PIK3CB: variants seen among roughly 807,000 people sequenced by gnomAD.
PIK3CB encodes phosphatidylinositol-4,5-bisphosphate 3-kinase catalytic subunit beta.
A neutral mutation model predicts 136.8 loss-of-function variants in PIK3CB; 39 were observed. The observed-to-expected ratio is 0.29, with a 90% CI of 0.22 to 0.37. The LOEUF is 0.37. Ranked by LOEUF, PIK3CB falls within the 10% of genes least tolerant of loss-of-function variation. The probability of loss-of-function intolerance (pLI) is 1.00; values close to 1 mark genes in which losing one functional copy is unlikely to be tolerated. For missense variants in PIK3CB, 868 were observed against 1,275.4 expected (o/e 0.68, Z 4.87); for synonymous variants, 428 against 436.6 (o/e 0.98, Z 0.25).
At chr3:138,800,331 T>C (rs889629669) in intron 1 of PIK3CB, among the ~76,000 whole-genome samples, 7 of 151,954 alleles carry the variant, frequency 4.6e-5, no homozygotes, top group East Asian at 3.9e-4. Flanking sequence ...TTTTAACCCA[T>C]GACACTTTTT....
At chr3:138,745,260 C>A (rs1300692707) in intron 4 of PIK3CB, among the ~76,000 whole-genome samples, 1 of 152,066 alleles carries the variant, frequency 6.6e-6, no homozygotes, top group African/African-American at 2.4e-5. Flanking sequence ...CACTTTGAGG[C>A]TTTCAGTGTT....
At chr3:138,768,973 G>C (rs542793401) in intron 2 of PIK3CB, among the ~76,000 whole-genome samples, 4 of 152,162 alleles carry the variant, frequency 2.6e-5, no homozygotes, top group Non-Finnish European at 5.9e-5. Flanking sequence ...ACTGGCATGG[G>C]AGAGAAGGGG....
chr3:138,714,905 T>G (rs552662059), intron 8 of PIK3CB, among the ~76,000 whole-genome samples, 186 bp from the exon 9 acceptor site: 1 of 152,326 alleles, frequency 6.6e-6, no homozygotes, highest in South Asian at 2.1e-4. Context: ...CACTAGAGTG[T>G]AATTAACCAG....
At chr3:138,827,808 T>C (rs1217269116) in intron 1 of PIK3CB, among the ~76,000 whole-genome samples, 2 of 149,000 alleles carry the variant, frequency 1.3e-5, no homozygotes, top group African/African-American at 2.5e-5. Context: ...TGAAACCCTG[T>C]CTCTACTAAA....
chr3:138,731,016 T>C (rs934926843), intron 8 of PIK3CB, among the ~76,000 whole-genome samples: 2 of 152,176 alleles, frequency 1.3e-5, no homozygotes, highest in Admixed American at 6.6e-5. Context: ...GCACATATTA[T>C]AAAGTGAATA....
At chr3:138,821,544 G>T (rs1451943338) in intron 1 of PIK3CB, among the ~76,000 whole-genome samples, 1 of 152,252 alleles carries the variant, frequency 6.6e-6, no homozygotes, top group East Asian at 1.9e-4. Context: ...CAGCACTCTG[G>T]GAGGCCGAGA....
At chr3:138,776,854 C>T (rs1002288473) in intron 2 of PIK3CB, among the ~76,000 whole-genome samples, 7 of 136,366 alleles carry the variant, frequency 5.1e-5, no homozygotes, top group South Asian at 2.3e-4. Flanking sequence ...GCCTGGGAAG[C>T]GGACATTGCA....
At chr3:138,790,372 T>C (rs780567214) in intron 2 of PIK3CB, among the ~76,000 whole-genome samples, 1 of 151,184 alleles carries the variant, frequency 6.6e-6, no homozygotes, top group Non-Finnish European at 1.5e-5. Flanking sequence ...TAGCATTTTG[T>C]GAGGCCAAGG....
chr3:138,784,445 G>A (rs974771644), intron 2 of PIK3CB, among the ~76,000 whole-genome samples: 2 of 150,998 alleles, frequency 1.3e-5, no homozygotes, highest in East Asian at 2.0e-4. Context: ...CTCCGTCTCC[G>A]TCTCCCACTT....
chr3:138,820,459 G>C (rs1933513023), intron 1 of PIK3CB, among the ~76,000 whole-genome samples: 1 of 152,158 alleles, frequency 6.6e-6, no homozygotes, highest in Admixed American at 6.6e-5. Flanking sequence ...GTGGTAAAAT[G>C]ATTCCACATC....
Position 138,759,196 on chromosome 3 carries a change from C to T in PIK3CB, c.148G>A (p.Ala50Thr), listed in dbSNP as rs375632149. 1.2e-6 allele frequency: 2 copies of T among 1,609,814 alleles called. No homozygotes were observed. Among genetic ancestry groups the T allele is most frequent in the African/African-American group, 2.7e-5 (2 of 74,852 alleles). ...IYIQLEVPRE[A>T]TISYIKQMLW... ...ACCTGCTTAATATAAGAAATGGTAG[C>T]TTCCCGAGGTACCTCCAACTGGATA... Residue 50 changes from alanine to threonine, a missense_variant, in exon 3 of 24, where the codon GCT becomes ACT. This residue lies in a region of PIK3CB where 612 missense variants were observed against 801.1 expected (regional missense o/e 0.76). Coordinates refer to ENST00000674063, the MANE Select transcript of PIK3CB (RefSeq NM_006219.3).
At chr3:138,671,637 G>C (rs2043535409) in intron 19 of PIK3CB, among the ~76,000 whole-genome samples, 1 of 152,202 alleles carries the variant, frequency 6.6e-6, no homozygotes, top group African/African-American at 2.4e-5. Context: ...GTAGGATCTG[G>C]ACCCGACAAA....
At position 138,665,045 on chromosome 3, in the gene PIK3CB, T is replaced by C. The variant is rs755961472; in HGVS notation, c.2663A>G (p.Tyr888Cys). Residue 888 changes from tyrosine to cysteine, a missense_variant, in exon 20 of 24, where the codon TAC (tyrosine) becomes TGC (cysteine). Tyr to Cys is a radical substitution (Grantham distance 194, BLOSUM62 -2). Transcript: ENST00000674063. ...AACAGAATAAACTAACCCAGAGTTG[T>C]ATTCTTTAAGCCAGTTCAGAAGGGC... ...KDALLNWLKE[Y>C]NSGDDLDRAI... 4 of 1,602,556 alleles carry C rather than the reference T, an allele frequency of 2.5e-6. No individual in the cohort carries two copies. The highest frequency in any genetic ancestry group is 3.4e-6 in the Non-Finnish European group (4 of 1,172,806).
intron 3 of PIK3CB, among the ~76,000 whole-genome samples, chr3:138,757,296 C>A (rs1401237111): frequency 1.3e-5 from 2 of 151,950 alleles, no homozygotes; most frequent in Non-Finnish European, 2.9e-5. Flanking sequence ...CCCAGCTACT[C>A]AGGATGCTGA....
chr3:138,687,378 C>G lies in PIK3CB; in HGVS notation c.2136+1497G>C, dbSNP rs144292207. On this transcript the variant is annotated intron_variant, in intron 16 of 23. Transcript: ENST00000674063. Reference sequence around the variant, plus strand: ...TAAGCAAGTTATGACTAAGTATGGCCTAACAGGCTTTGGCAGAAAATTTGA... The same window carrying G: ...TAAGCAAGTTATGACTAAGTATGGCGTAACAGGCTTTGGCAGAAAATTTGA... Among the ~76,000 whole-genome samples the G allele has an allele frequency of 4.6e-5, 7 of 152,272 alleles. No individual in the cohort carries two copies. In the East Asian group the frequency reaches 1.2e-3, roughly 25 times the overall value.
intron 2 of PIK3CB, among the ~76,000 whole-genome samples, chr3:138,788,979 A>AC (rs2046016330): frequency 2.0e-5 from 3 of 148,404 alleles, no homozygotes; most frequent in Non-Finnish European, 3.0e-5. Flanking sequence ...AAAAAAAAAA[A>AC]AAAAAAAAAA....
At chr3:138,822,864 AATATATATGAAAT>A (rs1269915391) in intron 1 of PIK3CB, among the ~76,000 whole-genome samples, 3 of 146,858 alleles carry the variant, frequency 2.0e-5, no homozygotes, top group South Asian at 4.2e-4. Context: ...ATATATACGA[AATATATATGAAAT>A]ATATATATGA....
intron 14 of PIK3CB, among the ~76,000 whole-genome samples, chr3:138,691,350 C>T (rs1301632252): frequency 2.0e-5 from 3 of 152,118 alleles, no homozygotes; most frequent in Non-Finnish European, 4.4e-5. Context: ...TCAAGAGGGT[C>T]AAAGAACAGA....
chr3:138,659,761 A>G (rs1673597), intron 21 of PIK3CB, among the ~76,000 whole-genome samples: 90,452 of 151,518 alleles, frequency 0.6, 27,797 homozygotes, highest in East Asian at 0.98. Flanking sequence ...TTTTTCTTCC[A>G]TTCTCAGAAA....
Sources: allele counts gnomAD v4.1 joint callset (sites outside exome capture counted in the v4.1 genomes callset), GRCh38; gene constraint gnomAD v4.1.1; regional missense constraint gnomAD v4.1.1; transcripts MANE v1.5; gene names NCBI Gene and HGNC (gene_info 2026-07-23, HGNC 2026-07-21).